ZSCAN30: variants seen among roughly 807,000 people sequenced by gnomAD.
ZSCAN30 encodes zinc finger and SCAN domain containing 30, also known as zinc finger and SCAN domain-containing protein 30.
A neutral mutation model predicts 44.3 loss-of-function variants in ZSCAN30; 37 were observed. That is an observed-to-expected ratio of 0.84 (90% CI 0.64 to 1.10). The LOEUF (loss-of-function observed/expected upper bound fraction) is 1.10. Ranked by LOEUF, ZSCAN30 falls within the 50% of genes least tolerant of loss-of-function variation. The pLI is 0.00. For missense variants in ZSCAN30, 549 were observed against 582.6 expected, an observed-to-expected ratio of 0.94 and a Z score of 0.59; for synonymous variants, 181 against 204.6, an observed-to-expected ratio of 0.88 and a Z score of 0.98.
intron 1 of ZSCAN30, among the ~76,000 whole-genome samples, chr18:35,272,796 C>T (rs568586032): frequency 4.6e-5 from 7 of 152,318 alleles, no homozygotes; most frequent in Admixed American, 1.3e-4. Flanking sequence ...AGAGATTTAA[C>T]TGGACTTACA....
At position 35,254,307 on chromosome 18, in the gene ZSCAN30, T is replaced by C; in HGVS notation, c.628A>G (p.Ile210Val). Residue 210 changes from isoleucine to valine, a missense_variant, in exon 4 of 4, where the codon ATA becomes GTA. Coordinates refer to ENST00000333206, the MANE Select transcript of ZSCAN30 (RefSeq NM_001112734.4). Reference protein sequence around the residue: ...IVECVASAAMISPGKLPGETH... With the variant: ...IVECVASAAMVSPGKLPGETH... ...TCTCCAGGAAGTTTTCCCGGCGATA[T>C]CATAGCTGCTGAGGCTACACATTCA... 3.7e-6 allele frequency: 6 copies of C among 1,614,124 alleles called. No homozygotes were observed. Among genetic ancestry groups the C allele is most frequent in the Non-Finnish European group, 5.1e-6 (6 of 1,179,962 alleles).
chr18:35,270,578 CCATT>C (rs1269690215), intron 1 of ZSCAN30, among the ~76,000 whole-genome samples: 2 of 152,144 alleles, frequency 1.3e-5, no homozygotes, highest in African/African-American at 4.8e-5. Context: ...AAGTTCACAT[CCATT>C]ATTTTATTTA....
intron 1 of ZSCAN30, among the ~76,000 whole-genome samples, chr18:35,276,326 C>T (rs577126103): frequency 1.3e-5 from 2 of 151,668 alleles, no homozygotes; most frequent in Non-Finnish European, 2.9e-5. Flanking sequence ...AACTCAATCT[C>T]TTTATTATAC....
chr18:35,255,557 G>A (rs35960670), intron 3 of ZSCAN30, among the ~76,000 whole-genome samples: 40 of 151,932 alleles, frequency 2.6e-4, no homozygotes, highest in Non-Finnish European at 4.3e-4. Context: ...AAGGATGCAG[G>A]GCTGTAGTTG....
chr18:35,253,302 A>C lies in ZSCAN30; in HGVS notation c.*148T>G. The C allele has an allele frequency of 1.7e-6, 1 of 575,922 alleles. No homozygotes were observed. Among genetic ancestry groups the C allele is most frequent in the South Asian group, 3.2e-5 (1 of 31,542 alleles). 35.7% of individuals were successfully genotyped at this position (575,922 alleles called of 1,614,324 possible). On this transcript the variant is annotated 3_prime_UTR_variant, in exon 4 of 4. Coordinates refer to ENST00000333206, the MANE Select transcript of ZSCAN30 (RefSeq NM_001112734.4). Reference sequence around the variant, plus strand: ...ATTTAACACTTCAATAATCATAACAAACATCTTTGTGTGCATGTCTTCTTA... The same window carrying C: ...ATTTAACACTTCAATAATCATAACACACATCTTTGTGTGCATGTCTTCTTA...
chr18:35,277,288 C>T (rs528647793), intron 1 of ZSCAN30, among the ~76,000 whole-genome samples: 4 of 152,216 alleles, frequency 2.6e-5, no homozygotes, highest in Non-Finnish European at 5.9e-5. Flanking sequence ...TGAGCTAAGA[C>T]TTTGGGGGAC....
intron 1 of ZSCAN30, among the ~76,000 whole-genome samples, chr18:35,272,032 G>A (rs572770032): frequency 3.3e-5 from 5 of 152,328 alleles, no homozygotes; most frequent in African/African-American, 4.8e-5. Flanking sequence ...CGCAAGCAGA[G>A]GGAGCCAGCT....
At chr18:35,270,963 G>A (rs939222636) in intron 1 of ZSCAN30, among the ~76,000 whole-genome samples, 8 of 152,148 alleles carry the variant, frequency 5.3e-5, no homozygotes, top group African/African-American at 1.9e-4. Flanking sequence ...TTAAGGTGGT[G>A]CATCTGGAGT....
intron 1 of ZSCAN30, among the ~76,000 whole-genome samples, chr18:35,271,346 T>G (rs2044270546): frequency 6.6e-6 from 1 of 152,062 alleles, no homozygotes. Context: ...AGACACAGAG[T>G]GCTGATTGGT....
intron 3 of ZSCAN30, chr18:35,257,828 G>A: frequency 2.6e-6 from 2 of 776,360 alleles, no homozygotes; most frequent in East Asian, 4.9e-5. Context: ...AGCGGCCCAT[G>A]AAATGCTCCA....
chr18:35,275,964 T>C (rs2044359981), intron 1 of ZSCAN30, among the ~76,000 whole-genome samples: 1 of 152,246 alleles, frequency 6.6e-6, no homozygotes, highest in Admixed American at 6.5e-5. Context: ...GATATGGATT[T>C]GGTTGATTTT....
In ZSCAN30 at chr18:35,253,580, T is replaced by G. The variant is rs1255101049; in HGVS notation, c.1355A>C (p.Gln452Pro). 2 of 1,613,738 alleles carry G rather than the reference T, an allele frequency of 1.2e-6. No homozygotes were observed. Among genetic ancestry groups the G allele is most frequent in the Non-Finnish European group, 1.7e-6 (2 of 1,179,908 alleles). ...ECNECGKSFN[Q>P]SSALTQHQRI... ...CTGGTGCTGGGTGAGGGCTGAGCTC[T>G]GATTGAAGGATTTTCCACATTCATT... The change falls in exon 4 of 4, where the codon CAG becomes CCG. Residue 452 changes from glutamine to proline, a missense_variant. By Grantham distance (76) the Gln-to-Pro change is moderately conservative. Transcript: ENST00000333206.
intron 1 of ZSCAN30, chr18:35,283,077 AG>A (rs1355105026): frequency 6.6e-6 from 1 of 152,204 alleles, no homozygotes; most frequent in Non-Finnish European, 1.5e-5. Flanking sequence ...ATTATGAAAA[AG>A]GAGTCAATCA....
At chr18:35,286,684 CT>C (rs1461606840) in intron 1 of ZSCAN30, among the ~76,000 whole-genome samples, 2 of 151,852 alleles carry the variant, frequency 1.3e-5, no homozygotes, top group Non-Finnish European at 2.9e-5. Flanking sequence ...AGAAAGGATG[CT>C]TAAGATTAAA....
intron 3 of ZSCAN30, chr18:35,260,885 T>C (rs554818248): frequency 3.3e-5 from 5 of 152,334 alleles, no homozygotes; most frequent in East Asian, 1.9e-4. Context: ...TTTGCTTCTA[T>C]TGCAATTGCT....
chr18:35,285,049 A>C (rs2044526538), intron 1 of ZSCAN30: 1 of 154,790 alleles, frequency 6.5e-6, no homozygotes, highest in African/African-American at 2.4e-5. Flanking sequence ...GGCTCTGTGA[A>C]GCTCACAGCA....
chr18:35,256,043 T>G (rs1307501215), intron 3 of ZSCAN30, among the ~76,000 whole-genome samples: 1 of 151,884 alleles, frequency 6.6e-6, no homozygotes, highest in Non-Finnish European at 1.5e-5. Flanking sequence ...TTAAGGGCAA[T>G]GAAAATTAGA....
At chr18:35,263,466 T>G in intron 3 of ZSCAN30, 47 bp downstream of exon 3, 1 of 1,608,328 alleles carries the variant, frequency 6.2e-7, no homozygotes, top group Non-Finnish European at 8.5e-7. Context: ...CCACAGTTGA[T>G]AGCTCTCACC....
At chr18:35,271,864 C>A (rs993069363) in intron 1 of ZSCAN30, among the ~76,000 whole-genome samples, 2 of 152,324 alleles carry the variant, frequency 1.3e-5, no homozygotes, top group African/African-American at 4.8e-5. Context: ...TGGGACCCCG[C>A]GCCCCCTCCG....
Sources: allele counts gnomAD v4.1 joint callset (sites outside exome capture counted in the v4.1 genomes callset), GRCh38; gene constraint gnomAD v4.1.1; transcripts MANE v1.5; gene names NCBI Gene and HGNC (gene_info 2026-07-23, HGNC 2026-07-21).